The following PDE1A variants were observed in gnomAD, a reference collection of about 807,000 sequenced individuals.
The protein encoded by PDE1A is phosphodiesterase 1A, also known as dual specificity calcium/calmodulin-dependent 3',5'-cyclic nucleotide phosphodiesterase 1A.
Under a neutral mutation model 61.7 loss-of-function variants are expected in PDE1A, and 35 were observed. The ratio of observed to expected loss-of-function variants is 0.57; its 90% CI spans 0.43 to 0.75. The LOEUF is 0.75. Among genes scored for constraint, PDE1A ranks in the 30% least tolerant of loss-of-function variants. PDE1A has a pLI of 0.00. For missense variants in PDE1A, 597 were observed against 630.6 expected, an observed-to-expected ratio of 0.95 and a Z score of 0.57; for synonymous variants, 232 against 213.2, an observed-to-expected ratio of 1.09 and a Z score of -0.77.
intron 13 of PDE1A, among the ~76,000 whole-genome samples, chr2:182,149,413 T>G (rs1690660403): frequency 6.6e-6 from 1 of 152,202 alleles, no homozygotes; most frequent in Non-Finnish European, 1.5e-5. Context: ...CAATAATAAT[T>G]CTGTACATGT....
intron 2 of PDE1A, among the ~76,000 whole-genome samples, chr2:182,454,492 G>A (rs1213386572): frequency 4.6e-5 from 7 of 152,160 alleles, no homozygotes; most frequent in African/African-American, 1.7e-4. Context: ...CAAAGCCGGA[G>A]GCGTCATGCT....
rs568684344 is a variant in PDE1A, at chr2:182,453,506, CA to C, written c.101+68769del. On this transcript the variant is annotated intron_variant, in intron 2 of 14. Transcript: ENST00000410103. Reference sequence around the variant, plus strand: ...GCAATATCCTTGATGAACATTGATGCAAAAATCCTCAATAAAATACTGGCAA... The same window carrying C: ...GCAATATCCTTGATGAACATTGATGCAAAATCCTCAATAAAATACTGGCAA... Among the ~76,000 whole-genome samples, 332 of 151,880 alleles carry C rather than the reference CA, an allele frequency of 2.2e-3. 4 individuals carry two copies. The highest frequency in any genetic ancestry group is 7.8e-3 in the African/African-American group (324 of 41,458).
chr2:182,177,465 T>A (rs188993438), intron 13 of PDE1A, among the ~76,000 whole-genome samples: 304 of 152,290 alleles, frequency 2.0e-3, no homozygotes, highest in African/African-American at 7.0e-3. Context: ...TTTTCTAGCT[T>A]ATTTGCATAG....
intron 1 of PDE1A, among the ~76,000 whole-genome samples, chr2:182,332,032 C>T (rs1003518164): frequency 5.3e-5 from 8 of 151,900 alleles, no homozygotes; most frequent in African/African-American, 1.9e-4. Flanking sequence ...TATTTCTTGG[C>T]GGGTTTGTTC....
intron 2 of PDE1A, among the ~76,000 whole-genome samples, chr2:182,244,321 A>C (rs1317387773): frequency 1.3e-5 from 2 of 151,612 alleles, no homozygotes; most frequent in Non-Finnish European, 2.9e-5. Context: ...TTTTTGAAAA[A>C]TTAATGTCTT....
chr2:182,512,044 A>G (rs1052638839), intron 2 of PDE1A, among the ~76,000 whole-genome samples: 1 of 152,140 alleles, frequency 6.6e-6, no homozygotes, highest in African/African-American at 2.4e-5. Flanking sequence ...GCATGTGTGC[A>G]AACCTCCTCA....
chr2:182,232,039 T>G (rs1245358418), intron 4 of PDE1A, among the ~76,000 whole-genome samples: 2 of 152,180 alleles, frequency 1.3e-5, no homozygotes, highest in South Asian at 2.1e-4. Context: ...TGCTCTATCT[T>G]TGGCTGATTT....
chr2:182,242,019 G>A (rs1267034325), intron 2 of PDE1A: 1 of 1,391,476 alleles, frequency 7.2e-7, no homozygotes, highest in Non-Finnish European at 9.3e-7. Flanking sequence ...CTTATGCAGT[G>A]ATCAGATACA....
At chr2:182,659,408 A>G in the PDE1A span, among the ~76,000 whole-genome samples, 2 of 152,222 alleles carry the variant, frequency 1.3e-5, no homozygotes, top group African/African-American at 4.8e-5. Context: ...CATATGCCAA[A>G]CATAAATGAT....
intron 2 of PDE1A, among the ~76,000 whole-genome samples, chr2:182,516,702 GAGGA>G (rs199731099): frequency 0.04 from 4,680 of 116,776 alleles, 202 homozygotes; most frequent in African/African-American, 0.11. Flanking sequence ...GGGAGGAAGG[GAGGA>G]AGGAAGGAAG....
chr2:182,315,140 T>A (rs931436506), intron 1 of PDE1A, among the ~76,000 whole-genome samples: 1 of 152,186 alleles, frequency 6.6e-6, no homozygotes, highest in Non-Finnish European at 1.5e-5. Flanking sequence ...TTTTAAATTG[T>A]AAAACTATTA....
intron 1 of PDE1A, among the ~76,000 whole-genome samples, chr2:182,412,182 T>C (rs980447424): frequency 2.0e-5 from 3 of 152,136 alleles, no homozygotes; most frequent in African/African-American, 2.4e-5. Flanking sequence ...TCAGAAAGCA[T>C]ATAAATGTAT....
chr2:182,385,342 A>G (rs1559402998), intron 1 of PDE1A, among the ~76,000 whole-genome samples: 1 of 152,222 alleles, frequency 6.6e-6, no homozygotes, highest in Non-Finnish European at 1.5e-5. Flanking sequence ...ATTAAAAATA[A>G]TAATAGCAAC....
rs180796177 is a variant in PDE1A, at chr2:182,228,349, C to G, written c.675+1657G>C. 3.9e-5 allele frequency among the ~76,000 whole-genome samples: 6 copies of G among 152,186 alleles called. No homozygotes were observed. The East Asian group carries it at 1.2e-3, about 29-fold the overall frequency. ...AAAACATCTTGCAGATGACAACATG[C>G]ATTAGTCTCCTGACAGTACTGGGCT... On this transcript the variant is annotated intron_variant, in intron 6 of 13. Transcript: ENST00000351439.
chr2:182,280,139 G>T (rs1054383152), intron 1 of PDE1A, among the ~76,000 whole-genome samples: 5 of 151,628 alleles, frequency 3.3e-5, no homozygotes, highest in Admixed American at 3.3e-4. Context: ...ATGCCTTTGG[G>T]TTTTTTTTAT....
intron 1 of PDE1A, among the ~76,000 whole-genome samples, chr2:182,275,625 T>C (rs1486033359): frequency 6.6e-6 from 1 of 152,108 alleles, no homozygotes; most frequent in Non-Finnish European, 1.5e-5. Flanking sequence ...TCTTTGATGT[T>C]GATTAAAGGG....
At chr2:182,532,962 A>C in the PDE1A span, among the ~76,000 whole-genome samples, 3 of 145,942 alleles carry the variant, frequency 2.1e-5, no homozygotes, top group Non-Finnish European at 3.0e-5. Context: ...AAAAAAAAAA[A>C]AAAAAAAAAA....
At chr2:182,404,534 T>C (rs777029252) in intron 1 of PDE1A, among the ~76,000 whole-genome samples, 1 of 152,270 alleles carries the variant, frequency 6.6e-6, no homozygotes, top group Non-Finnish European at 1.5e-5. Context: ...ACATTTCGAC[T>C]CTTTTGTAGT....
At chr2:182,503,074 T>C (rs72886950) in intron 2 of PDE1A, among the ~76,000 whole-genome samples, 539 of 8,168 alleles carry the variant, frequency 0.066, 5 homozygotes, top group South Asian at 0.22. Flanking sequence ...CACACACACA[T>C]ACACACACAC....
Sources: gnomAD v4.1 joint callset for allele counts (sites outside exome capture counted in the v4.1 genomes callset) on GRCh38, gnomAD v4.1.1 for gene constraint, MANE v1.5 for transcripts, NCBI Gene and HGNC (gene_info 2026-07-23, HGNC 2026-07-21) for gene names.